The following CCDC171 variants were observed in gnomAD, a reference collection of about 807,000 sequenced individuals.
The protein encoded by CCDC171 is coiled-coil domain-containing protein 171.
Under a neutral mutation model 168.2 loss-of-function variants are expected in CCDC171, and 177 were observed. That is an observed-to-expected ratio of 1.05 (90% CI 0.93 to 1.19). The LOEUF is 1.19. Among genes scored for constraint, CCDC171 ranks in the 50% most tolerant of loss-of-function variants. The pLI, the probability that CCDC171 is intolerant of heterozygous loss-of-function variation, is 0.00. For missense variants in CCDC171, 1,991 were observed against 1,539.0 expected, an observed-to-expected ratio of 1.29 and a Z score of -4.91; for synonymous variants, 687 against 540.8, an observed-to-expected ratio of 1.27 and a Z score of -3.75.
intron 24 of CCDC171, among the ~76,000 whole-genome samples, chr9:15,916,703 T>C (rs2131931557): frequency 6.6e-6 from 1 of 152,168 alleles, no homozygotes; most frequent in South Asian, 2.1e-4. Flanking sequence ...GTTTGTATCT[T>C]ATAACTTTTT....
At chr9:15,979,949 T>C (rs1831743053) in intron 3 of CCDC171, among the ~76,000 whole-genome samples, 2 of 152,152 alleles carry the variant, frequency 1.3e-5, no homozygotes, top group South Asian at 2.1e-4. Flanking sequence ...ATTAAAGAAA[T>C]CTTTTTAATT....
chr9:15,561,864 C>T (rs947938362), intron 1 of CCDC171, among the ~76,000 whole-genome samples: 21 of 152,078 alleles, frequency 1.4e-4, no homozygotes, highest in Non-Finnish European at 5.9e-5. Flanking sequence ...GACACACAGG[C>T]AGAGCTGGTG....
rs369047209 is a variant in CCDC171, at chr9:15,757,184, C to T, written c.2671+11553C>T. On this transcript the variant is annotated intron_variant, in intron 18 of 25. Coordinates refer to ENST00000380701, the MANE Select transcript of CCDC171 (RefSeq NM_173550.4). ...AGTTTGGAGGGCTCAGAAGAAGACA[C>T]GAAAATGTGGGAAAATTTGGAACTT... 4.9e-3 allele frequency among the ~76,000 whole-genome samples: 743 copies of T among 152,220 alleles called. 8 individuals are homozygous for T. Among genetic ancestry groups the T allele is most frequent in the Non-Finnish European group, 4.1e-3 (280 of 68,022 alleles).
chr9:15,666,874 A>G (rs2048772145), intron 9 of CCDC171, among the ~76,000 whole-genome samples: 1 of 152,220 alleles, frequency 6.6e-6, no homozygotes, highest in Admixed American at 6.5e-5. Context: ...TACAGAAATA[A>G]TAATAATAGC....
rs150310046 is a variant in CCDC171 at position 15,713,407 on chromosome 9, T to C, written c.1319-8362T>C. 1.4e-3 allele frequency among the ~76,000 whole-genome samples: 213 copies of C among 152,012 alleles called. 1 individual carries two copies. Among genetic ancestry groups the C allele is most frequent in the African/African-American group, 4.4e-3 (182 of 41,446 alleles). On this transcript the variant is annotated intron_variant, in intron 11 of 25. Coordinates refer to ENST00000380701, the MANE Select transcript of CCDC171 (RefSeq NM_173550.4). ...GAGAGAGAAAGCAATGTAACAGGAA[T>C]AGGGCCCATGGGAATCTGGACTACT...
chr9:15,577,823 C>T (rs576876148), intron 3 of CCDC171, among the ~76,000 whole-genome samples: 34 of 152,296 alleles, frequency 2.2e-4, no homozygotes, highest in African/African-American at 8.2e-4. Context: ...TAAGGATTTG[C>T]AGCCACAGGC....
intron 24 of CCDC171, among the ~76,000 whole-genome samples, chr9:15,904,716 C>G (rs2987051): frequency 0.29 from 43,967 of 151,580 alleles, 6,459 homozygotes; most frequent in Admixed American, 0.34. Context: ...AATTAAAAGA[C>G]ACAGACTGGC....
upstream of CCDC171, among the ~76,000 whole-genome samples, chr9:16,040,177 G>A (rs202040988): frequency 6.6e-6 from 1 of 152,112 alleles, no homozygotes; most frequent in East Asian, 1.9e-4. Flanking sequence ...CTAGCCAGAC[G>A]CATACTCCAC....
At chr9:15,583,226 C>A (rs1357325717) in intron 4 of CCDC171, among the ~76,000 whole-genome samples, 1 of 151,934 alleles carries the variant, frequency 6.6e-6, no homozygotes, top group Admixed American at 6.6e-5. Context: ...ACCATCCTGG[C>A]CAAGGTGGTG....
chr9:15,593,176 T>G (rs1490082964), intron 5 of CCDC171, among the ~76,000 whole-genome samples: 2 of 152,118 alleles, frequency 1.3e-5, no homozygotes, highest in African/African-American at 4.8e-5. Flanking sequence ...TTTCTTTCTA[T>G]AAGTTAGGAG....
At chr9:15,762,726 G>A (rs915126520) in intron 18 of CCDC171, among the ~76,000 whole-genome samples, 7 of 152,136 alleles carry the variant, frequency 4.6e-5, no homozygotes, top group Admixed American at 3.9e-4. Flanking sequence ...TGTGAAAAAT[G>A]TATACACTAG....
At chr9:15,631,191 T>C (rs1221381282) in intron 7 of CCDC171, among the ~76,000 whole-genome samples, 1 of 151,230 alleles carries the variant, frequency 6.6e-6, no homozygotes, top group African/African-American at 2.4e-5. Flanking sequence ...CTGAAGGAAA[T>C]AGAAACACAA....
chr9:16,091,007 C>T, the CCDC171 span, among the ~76,000 whole-genome samples: 1 of 152,212 alleles, frequency 6.6e-6, no homozygotes, highest in Non-Finnish European at 1.5e-5. Context: ...TTTCTGTCCT[C>T]TGCCTACTTG....
At chr9:15,858,920 T>A (rs897302361) in intron 23 of CCDC171, among the ~76,000 whole-genome samples, 1 of 152,092 alleles carries the variant, frequency 6.6e-6, no homozygotes, top group Non-Finnish European at 1.5e-5. Flanking sequence ...TTCAGTGATA[T>A]GTTGAATACA....
intron 3 of CCDC171, among the ~76,000 whole-genome samples, chr9:15,996,215 C>T (rs1182653217): frequency 2.6e-5 from 4 of 152,088 alleles, no homozygotes; most frequent in Non-Finnish European, 4.4e-5. Context: ...ACAGTTTACA[C>T]CACAGAGCAG....
intron 21 of CCDC171, among the ~76,000 whole-genome samples, chr9:15,837,270 T>C (rs938674351): frequency 1.7e-4 from 26 of 152,176 alleles, no homozygotes; most frequent in Admixed American, 5.9e-4. Context: ...GCATCACCAC[T>C]AGATGGCGAT....
chr9:15,692,891 C>G (rs2050921093), intron 10 of CCDC171, among the ~76,000 whole-genome samples: 1 of 149,616 alleles, frequency 6.7e-6, no homozygotes, highest in South Asian at 2.3e-4. Context: ...AATCCCAGCA[C>G]TTTGGGAGGC....
At chr9:15,651,021 C>T (rs1174701676) in intron 7 of CCDC171, among the ~76,000 whole-genome samples, 1 of 152,246 alleles carries the variant, frequency 6.6e-6, no homozygotes, top group East Asian at 1.9e-4. Flanking sequence ...ACCCTGACAC[C>T]CTTTCCAGCC....
At chr9:15,560,394 A>C (rs533697667) in intron 1 of CCDC171, among the ~76,000 whole-genome samples, 49 of 152,014 alleles carry the variant, frequency 3.2e-4, no homozygotes, top group African/African-American at 1.1e-3. Flanking sequence ...CTTTTCACAT[A>C]GTCCTGTATT....
Sources: gnomAD v4.1 joint callset for allele counts (sites outside exome capture counted in the v4.1 genomes callset) on GRCh38, gnomAD v4.1.1 for gene constraint, MANE v1.5 for transcripts, NCBI Gene and HGNC (gene_info 2026-07-23, HGNC 2026-07-21) for gene names.